ADAMTS12: variants seen among roughly 807,000 people sequenced by gnomAD.
The protein encoded by ADAMTS12 is ADAM metallopeptidase with thrombospondin type 1 motif 12.
Under a neutral mutation model 167.8 loss-of-function variants are expected in ADAMTS12, and 118 were observed. The observed-to-expected ratio is 0.70, with a 90% CI of 0.61 to 0.82. The LOEUF is 0.82. Among genes scored for constraint, ADAMTS12 ranks in the 40% least tolerant of loss-of-function variants. ADAMTS12 has a pLI of 0.00. For missense variants in ADAMTS12, 1,916 were observed against 1,998.8 expected (o/e 0.96, Z 0.79); for synonymous variants, 704 against 716.9 (o/e 0.98, Z 0.29).
chr5:33,835,875 C>T (rs905742797), intron 2 of ADAMTS12, among the ~76,000 whole-genome samples: 21 of 151,314 alleles, frequency 1.4e-4, no homozygotes, highest in African/African-American at 4.9e-4. Flanking sequence ...TCTGCCCTCA[C>T]AGAATTCATG....
rs550470928 is a variant in ADAMTS12, at chr5:33,554,333, G to A, written c.4126-4950C>T. On this transcript the variant is annotated intron_variant, in intron 20 of 23. Coordinates refer to ENST00000504830, the MANE Select transcript of ADAMTS12 (RefSeq NM_030955.4). ...TAGGGGTAGACAGAGAAAGATGGGT[G>A]GACGCCATCATGGAGAACCTTGTGG... Among the ~76,000 whole-genome samples the A allele has an allele frequency of 1.5e-3, 221 of 152,248 alleles. 1 individual carries two copies. Among genetic ancestry groups the A allele is most frequent in the African/African-American group, 5.0e-3 (206 of 41,532 alleles).
intron 5 of ADAMTS12, among the ~76,000 whole-genome samples, chr5:33,680,830 C>T (rs1185461502): frequency 6.6e-6 from 1 of 152,102 alleles, no homozygotes; most frequent in Non-Finnish European, 1.5e-5. Context: ...AATGAGATTG[C>T]TAAGTTAGAT....
At chr5:33,703,124 G>A (rs1743062025) in intron 3 of ADAMTS12, among the ~76,000 whole-genome samples, 1 of 152,164 alleles carries the variant, frequency 6.6e-6, no homozygotes, top group African/African-American at 2.4e-5. Flanking sequence ...GACATTCTCT[G>A]TGCTAATTTT....
At chr5:33,720,313 C>CACAT (rs1554037782) in intron 3 of ADAMTS12, among the ~76,000 whole-genome samples, 1 of 150,844 alleles carries the variant, frequency 6.6e-6, no homozygotes, top group African/African-American at 2.5e-5. Context: ...CACACACACA[C>CACAT]GATTGCCAAT....
intron 16 of ADAMTS12, among the ~76,000 whole-genome samples, chr5:33,598,008 G>A (rs1207850717): frequency 6.6e-6 from 1 of 152,158 alleles, no homozygotes; most frequent in Non-Finnish European, 1.5e-5. Flanking sequence ...GTCTCCAGAA[G>A]GGCACAAAAC....
intron 2 of ADAMTS12, among the ~76,000 whole-genome samples, chr5:33,849,591 C>CATGTGTATTGCATAGCAATAT (rs1749130470): frequency 3.3e-4 from 23 of 69,018 alleles, no homozygotes; most frequent in South Asian, 1.9e-3. Context: ...TAGCAATACA[C>CATGTGTATTGCATAGCAATAT]ATATGTATTG....
intron 2 of ADAMTS12, among the ~76,000 whole-genome samples, chr5:33,781,984 C>A (rs781191613): frequency 8.6e-5 from 13 of 152,042 alleles, no homozygotes; most frequent in Non-Finnish European, 1.0e-4. Flanking sequence ...CTTATTTATC[C>A]ATTAAAGCTC....
chr5:33,558,113 G>A (rs1420885899), intron 20 of ADAMTS12, among the ~76,000 whole-genome samples: 2 of 152,028 alleles, frequency 1.3e-5, no homozygotes, highest in Non-Finnish European at 2.9e-5. Context: ...GAAATAAAGT[G>A]CACAATAAAT....
At chr5:33,826,586 G>GTA (rs10594169) in intron 2 of ADAMTS12, among the ~76,000 whole-genome samples, 25,333 of 149,182 alleles carry the variant, frequency 0.17, 2,732 homozygotes, top group East Asian at 0.34. Flanking sequence ...GTGTGTGTGT[G>GTA]TATATATATA....
In ADAMTS12 at chr5:33,714,507, A is replaced by G. The variant is rs188727047; in HGVS notation, c.635-30452T>C. 2.4e-4 allele frequency among the ~76,000 whole-genome samples: 37 copies of G among 152,222 alleles called. No individual in the cohort carries two copies. The East Asian group carries it at 6.0e-3, about 25-fold the overall frequency. On this transcript the variant is annotated intron_variant, in intron 3 of 23. Transcript: ENST00000504830. ...AAAGGGATGCCTGCACCCCATGTCT[A>G]TTTCAGCACTATTCATAAGAGCCAA...
At chr5:33,741,475 C>T (rs768405437) in intron 3 of ADAMTS12, among the ~76,000 whole-genome samples, 13 of 152,006 alleles carry the variant, frequency 8.6e-5, no homozygotes, top group Non-Finnish European at 1.3e-4. Flanking sequence ...TCTTTAAGAC[C>T]CTGTCTCCAA....
At chr5:33,578,902 A>C (rs749678330) in intron 18 of ADAMTS12, among the ~76,000 whole-genome samples, 3 of 152,220 alleles carry the variant, frequency 2.0e-5, no homozygotes, top group Non-Finnish European at 4.4e-5. Context: ...TATTAAAGCA[A>C]GTCACTCCAA....
At chr5:33,541,786 T>A (rs1486355876) in intron 22 of ADAMTS12, among the ~76,000 whole-genome samples, 1 of 152,204 alleles carries the variant, frequency 6.6e-6, no homozygotes, top group Non-Finnish European at 1.5e-5. Flanking sequence ...AAGCAAATGC[T>A]GAGAGATTTT....
intron 2 of ADAMTS12, among the ~76,000 whole-genome samples, chr5:33,753,400 C>T (rs1745066095): frequency 6.6e-6 from 1 of 152,168 alleles, no homozygotes; most frequent in South Asian, 2.1e-4. Flanking sequence ...GGGAAACAGA[C>T]TCTGTGCAGT....
intron 9 of ADAMTS12, among the ~76,000 whole-genome samples, chr5:33,646,107 G>A (rs892713645): frequency 2.0e-5 from 3 of 152,252 alleles, no homozygotes; most frequent in East Asian, 1.9e-4. Context: ...GGCTGTTCAC[G>A]ACAGATAAAC....
rs1369019935 is a variant in ADAMTS12, at chr5:33,525,215, C to T, written c.*1973G>A. On this transcript the variant is annotated 3_prime_UTR_variant, in exon 24 of 24. Coordinates refer to ENST00000504830, the MANE Select transcript of ADAMTS12 (RefSeq NM_030955.4). Reference sequence around the variant, plus strand: ...CACTAACAATTTAAGTGTCTCCTCTCCTCGAAAACCATTATTCACCAGAGA... The same window carrying T: ...CACTAACAATTTAAGTGTCTCCTCTTCTCGAAAACCATTATTCACCAGAGA... 1 of 152,202 alleles carries T rather than the reference C, an allele frequency of 6.6e-6. No individual in the cohort carries two copies. Among genetic ancestry groups the T allele is most frequent in the Non-Finnish European group, 1.5e-5 (1 of 68,044 alleles). 9.4% of individuals were successfully genotyped at this position (152,202 alleles called of 1,614,324 possible).
At chr5:33,612,490 GTTTC>G (rs1436858507) in intron 16 of ADAMTS12, among the ~76,000 whole-genome samples, 4 of 152,026 alleles carry the variant, frequency 2.6e-5, no homozygotes, top group Non-Finnish European at 4.4e-5. Flanking sequence ...ATGTTCTCTT[GTTTC>G]TTTCAGGAGT....
At chr5:33,857,673 C>T (rs867904645) in intron 2 of ADAMTS12, among the ~76,000 whole-genome samples, 1 of 113,684 alleles carries the variant, frequency 8.8e-6, no homozygotes. Context: ...CCTTGAGAAA[C>T]ACACAAAAAA....
At chr5:33,765,039 G>T (rs1745482778) in intron 2 of ADAMTS12, among the ~76,000 whole-genome samples, 1 of 152,098 alleles carries the variant, frequency 6.6e-6, no homozygotes, top group African/African-American at 2.4e-5. Flanking sequence ...AAATTACAGG[G>T]GAAAGGTTGA....
Sources: allele counts gnomAD v4.1 joint callset (sites outside exome capture counted in the v4.1 genomes callset), GRCh38; gene constraint gnomAD v4.1.1; transcripts MANE v1.5; gene names NCBI Gene and HGNC (gene_info 2026-07-23, HGNC 2026-07-21).